STK39: variants seen among roughly 807,000 people sequenced by gnomAD.
The protein encoded by STK39 is STE20/SPS1-related proline-alanine-rich protein kinase.
Under a neutral mutation model 77.8 loss-of-function variants are expected in STK39, and 20 were observed. The observed-to-expected ratio is 0.26, with a 90% CI of 0.18 to 0.37. The LOEUF (loss-of-function observed/expected upper bound fraction) is 0.37, where lower values mean the gene tolerates loss of function less well. STK39 is among the 10% of genes least tolerant of loss of function. STK39 has a pLI of 1.00. For missense variants in STK39, 479 were observed against 656.5 expected (o/e 0.73, Z 2.95); for synonymous variants, 246 against 234.1 (o/e 1.05, Z -0.47).
At chr2:168,087,827 A>G (rs1001811941) in intron 10 of STK39, among the ~76,000 whole-genome samples, 5 of 152,230 alleles carry the variant, frequency 3.3e-5, no homozygotes, top group African/African-American at 1.2e-4. Flanking sequence ...AATGTCTCTA[A>G]GTGAAATATT....
chr2:168,233,396 T>C (rs1690511040), intron 1 of STK39, among the ~76,000 whole-genome samples: 1 of 152,214 alleles, frequency 6.6e-6, no homozygotes, highest in Non-Finnish European at 1.5e-5. Flanking sequence ...ACACTGTTCC[T>C]GAGTTGCCCA....
At chr2:168,181,154 T>C (rs1689074337) in intron 2 of STK39, among the ~76,000 whole-genome samples, 1 of 152,228 alleles carries the variant, frequency 6.6e-6, no homozygotes, top group South Asian at 2.1e-4. Context: ...CTGGGATTAG[T>C]GTGGGGATAA....
chr2:167,956,282 G>C (rs1475244812), intron 17 of STK39, among the ~76,000 whole-genome samples: 1 of 152,246 alleles, frequency 6.6e-6, no homozygotes, highest in African/African-American at 2.4e-5. Context: ...GCCTTGGCCA[G>C]GCATGGCGGC....
chr2:168,031,464 C>A (rs767720152), intron 14 of STK39, among the ~76,000 whole-genome samples: 3 of 152,132 alleles, frequency 2.0e-5, no homozygotes, highest in Non-Finnish European at 4.4e-5. Context: ...AGCCTTTTCC[C>A]TTCTCATTTC....
At chr2:168,212,670 T>C (rs1249022412) in intron 1 of STK39, among the ~76,000 whole-genome samples, 2 of 152,228 alleles carry the variant, frequency 1.3e-5, no homozygotes, top group East Asian at 1.9e-4. Flanking sequence ...AGCATAGCCC[T>C]GTAAACTTCA....
chr2:167,959,483 G>A (rs1691882552), intron 17 of STK39, among the ~76,000 whole-genome samples: 1 of 150,742 alleles, frequency 6.6e-6, no homozygotes, highest in Non-Finnish European at 1.5e-5. Flanking sequence ...TGAAAAAAAT[G>A]TCTGCCAAAT....
At chr2:168,066,688 T>C (rs1468412021) in intron 12 of STK39, among the ~76,000 whole-genome samples, 2 of 152,236 alleles carry the variant, frequency 1.3e-5, no homozygotes, top group East Asian at 3.9e-4. Context: ...ACCCATCTCC[T>C]GCCCTGCACA....
intron 1 of STK39, among the ~76,000 whole-genome samples, chr2:168,206,511 A>G (rs1404861953): frequency 6.6e-6 from 1 of 152,142 alleles, no homozygotes; most frequent in East Asian, 1.9e-4. Context: ...CATGTTGGCC[A>G]GGCTGGTTCC....
chr2:168,140,042 A>T (rs1173054778), intron 7 of STK39, among the ~76,000 whole-genome samples: 5 of 152,202 alleles, frequency 3.3e-5, no homozygotes, highest in African/African-American at 1.2e-4. Context: ...AACCTCCATC[A>T]ACCAATCTGA....
intron 1 of STK39, among the ~76,000 whole-genome samples, chr2:168,231,726 T>C (rs1249870102): frequency 6.6e-6 from 1 of 152,044 alleles, no homozygotes; most frequent in Non-Finnish European, 1.5e-5. Flanking sequence ...TGTGCCAGAG[T>C]GCTCTGTGAA....
At chr2:168,037,551 T>C (rs984502861) in intron 14 of STK39, among the ~76,000 whole-genome samples, 1 of 152,134 alleles carries the variant, frequency 6.6e-6, no homozygotes, top group Admixed American at 6.6e-5. Flanking sequence ...AAATTAAGTC[T>C]CCAGTGATAG....
At chr2:168,142,508 T>A (rs1370156224) in intron 5 of STK39, among the ~76,000 whole-genome samples, 1 of 152,164 alleles carries the variant, frequency 6.6e-6, no homozygotes, top group African/African-American at 2.4e-5. Flanking sequence ...CACCCTAAAG[T>A]CTCTTCCTAA....
At chr2:168,082,964 C>T (rs1230579578) in intron 10 of STK39, among the ~76,000 whole-genome samples, 1 of 152,166 alleles carries the variant, frequency 6.6e-6, no homozygotes, top group Non-Finnish European at 1.5e-5. Flanking sequence ...TCATATAATG[C>T]TCCTAACATG....
chr2:167,964,525 T>C (rs948059664), intron 17 of STK39, 137 bp downstream of exon 17: 2 of 796,996 alleles, frequency 2.5e-6, no homozygotes, highest in South Asian at 3.3e-5. Flanking sequence ...AGTCAAATGC[T>C]TCCAAATGCA....
chr2:167,972,654 G>A (rs551110017), intron 16 of STK39, among the ~76,000 whole-genome samples: 1 of 152,202 alleles, frequency 6.6e-6, no homozygotes, highest in South Asian at 2.1e-4. Flanking sequence ...GGCTAGCCAG[G>A]GTTGGATAAT....
chr2:168,167,041 C>T (rs1688709706), intron 3 of STK39, among the ~76,000 whole-genome samples: 1 of 152,084 alleles, frequency 6.6e-6, no homozygotes, highest in African/African-American at 2.4e-5. Flanking sequence ...ATTCCGGGGG[C>T]TGCCTCTCAG....
intron 1 of STK39, among the ~76,000 whole-genome samples, chr2:168,220,131 G>A (rs1330862546): frequency 1.3e-5 from 2 of 152,076 alleles, no homozygotes; most frequent in African/African-American, 4.8e-5. Flanking sequence ...ATGTTGCCTA[G>A]GCTGGTCTTA....
intron 2 of STK39, among the ~76,000 whole-genome samples, chr2:168,178,984 G>A (rs1311564820): frequency 1.3e-5 from 2 of 152,174 alleles, no homozygotes; most frequent in African/African-American, 4.8e-5. Flanking sequence ...GGGCTGAGCT[G>A]GGAGTCGGGG....
intron 10 of STK39, among the ~76,000 whole-genome samples, chr2:168,084,443 T>A (rs1318580759): frequency 6.6e-6 from 1 of 152,252 alleles, no homozygotes; most frequent in African/African-American, 2.4e-5. Flanking sequence ...GCCTGACACA[T>A]AGCAACAGTG....
Sources: allele counts gnomAD v4.1 joint callset (sites outside exome capture counted in the v4.1 genomes callset), GRCh38; gene constraint gnomAD v4.1.1; transcripts MANE v1.5; gene names NCBI Gene and HGNC (gene_info 2026-07-23, HGNC 2026-07-21).